The following ZNF519 variants were observed in gnomAD, a reference collection of about 807,000 sequenced individuals.
ZNF519 encodes zinc finger protein 519.
Under a neutral mutation model 7.4 loss-of-function variants are expected in ZNF519, and 7 were observed. The ratio of observed to expected loss-of-function variants is 0.94; its 90% CI spans 0.54 to 1.77. The LOEUF is 1.77. Ranked by LOEUF, ZNF519 falls within the 40% of genes most tolerant of loss-of-function variation. ZNF519 has a pLI of 0.00. For synonymous variants in ZNF519, 179 were observed against 203.3 expected, an observed-to-expected ratio of 0.88 and a Z score of 1.02; for missense variants, 586 against 623.1, an observed-to-expected ratio of 0.94 and a Z score of 0.63.
At chr18:14,093,519 A>C (rs755501611) in intron 2 of ZNF519, among the ~76,000 whole-genome samples, 1 of 152,248 alleles carries the variant, frequency 6.6e-6, no homozygotes, top group Admixed American at 6.5e-5. Context: ...ACACATATTT[A>C]GAAATATGTA....
intron 2 of ZNF519, among the ~76,000 whole-genome samples, chr18:14,108,811 C>G (rs1432571558): frequency 6.6e-6 from 1 of 152,074 alleles, no homozygotes; most frequent in Admixed American, 6.6e-5. Context: ...ATAATGAGGG[C>G]TGGGCACAGT....
At chr18:14,086,491 CA>C (rs2046090976) in intron 2 of ZNF519, among the ~76,000 whole-genome samples, 1 of 152,190 alleles carries the variant, frequency 6.6e-6, no homozygotes, top group Non-Finnish European at 1.5e-5. Context: ...TGCCCCACTA[CA>C]AGCAGCACAG....
chr18:14,110,012 T>C (rs2046212548), intron 2 of ZNF519, among the ~76,000 whole-genome samples: 1 of 152,090 alleles, frequency 6.6e-6, no homozygotes, highest in African/African-American at 2.4e-5. Context: ...TGAAGCATAA[T>C]AGAGAATCCA....
chr18:14,105,176 G>A lies in ZNF519; in HGVS notation c.1364C>T (p.Thr455Ile). 1.3e-6 allele frequency: 2 copies of A among 1,571,730 alleles called. No individual in the cohort carries two copies. The highest frequency in any genetic ancestry group is 1.7e-6 in the Non-Finnish European group (2 of 1,145,472). The change falls in exon 3 of 3, where the codon ACT becomes ATT. Residue 455 changes from threonine to isoleucine, a missense_variant. Physicochemically the swap from Thr to Ile is moderately conservative, Grantham distance 89. Coordinates refer to ENST00000590202, the MANE Select transcript of ZNF519 (RefSeq NM_145287.4). The part of the protein sequence containing the change: ...SHLTRHQRIH[T>I]GEKSFKCEEC... ...TTCACATTTGAAAGACTTCTCTCCA[G>A]TATGGATTCTTTGATGTCGAGTAAG...
intron 3 of ZNF519, chr18:14,084,101 G>A (rs2046080518): frequency 1.3e-5 from 2 of 152,208 alleles, no homozygotes; most frequent in South Asian, 4.1e-4. Context: ...ACCAGCAAAT[G>A]TGTGCGGCAG....
intron 3 of ZNF519, among the ~76,000 whole-genome samples, chr18:14,080,557 T>A (rs751318286): frequency 2.6e-5 from 4 of 152,100 alleles, no homozygotes; most frequent in Non-Finnish European, 5.9e-5. Context: ...CTTGACCTCA[T>A]GATGCGCCCG....
chr18:14,124,237 A>T, intron 2 of ZNF519, 113 bp downstream of exon 2: 1 of 1,035,412 alleles, frequency 9.7e-7, no homozygotes, highest in Non-Finnish European at 1.3e-6. Context: ...TTTCTTGAAG[A>T]AAAGAACTGA....
downstream of ZNF519, among the ~76,000 whole-genome samples, chr18:14,095,630 C>T (rs942138944): frequency 6.6e-6 from 1 of 152,222 alleles, no homozygotes; most frequent in Non-Finnish European, 1.5e-5. Context: ...CTCCACATGG[C>T]ACTGCAGCAG....
chr18:14,081,009 G>C (rs2046069003), intron 3 of ZNF519, among the ~76,000 whole-genome samples: 2 of 152,114 alleles, frequency 1.3e-5, no homozygotes, highest in Non-Finnish European at 2.9e-5. Flanking sequence ...TGGAGTTTGT[G>C]GGGAATAAGG....
At chr18:14,118,815 G>A (rs554056463) in intron 2 of ZNF519, among the ~76,000 whole-genome samples, 7 of 152,260 alleles carry the variant, frequency 4.6e-5, no homozygotes, top group African/African-American at 1.4e-4. Context: ...GTAGATCTTG[G>A]CCTCAGCTGT....
At chr18:14,117,445 G>A (rs1245904446) in intron 2 of ZNF519, among the ~76,000 whole-genome samples, 1 of 152,140 alleles carries the variant, frequency 6.6e-6, no homozygotes, top group Admixed American at 6.5e-5. Flanking sequence ...AGAGCATAGA[G>A]GAATTGAAAC....
At position 14,115,520 on chromosome 18, in the gene ZNF519, T is replaced by C. The variant is rs555044229; in HGVS notation, c.130+8830A>G. On this transcript the variant is annotated intron_variant, in intron 2 of 2. Coordinates refer to ENST00000590202, the MANE Select transcript of ZNF519 (RefSeq NM_145287.4). ...TATTATAAAGTTATATTAATCAAAA[T>C]AGTTTATAACCGGATTAAAAAGAGA... 2.6e-5 allele frequency among the ~76,000 whole-genome samples: 4 copies of C among 152,266 alleles called. No individual in the cohort carries two copies. The South Asian group carries it at 8.3e-4, about 31-fold the overall frequency.
At chr18:14,119,081 G>A (rs138664037) in intron 2 of ZNF519, among the ~76,000 whole-genome samples, 2 of 152,178 alleles carry the variant, frequency 1.3e-5, no homozygotes, top group South Asian at 2.1e-4. Flanking sequence ...TGTCCTAAAG[G>A]AAATCTAATC....
chr18:14,073,695 T>C (rs1209715357), downstream of ZNF519: 1 of 152,342 alleles, frequency 6.6e-6, no homozygotes, highest in East Asian at 1.9e-4. Context: ...CACTCTGTTT[T>C]TGAAATTCAT....
chr18:14,115,014 G>C (rs1396564469), intron 2 of ZNF519, among the ~76,000 whole-genome samples: 1 of 151,960 alleles, frequency 6.6e-6, no homozygotes, highest in Non-Finnish European at 1.5e-5. Flanking sequence ...AAGACCACTG[G>C]TCTTCATTTC....
chr18:14,120,219 T>A (rs2046264035), intron 2 of ZNF519, among the ~76,000 whole-genome samples: 1 of 151,830 alleles, frequency 6.6e-6, no homozygotes, highest in Non-Finnish European at 1.5e-5. Flanking sequence ...CAATGGAACA[T>A]AATAGAGAGC....
chr18:14,113,715 C>CTA (rs1412521717), intron 2 of ZNF519, among the ~76,000 whole-genome samples: 1 of 144,218 alleles, frequency 6.9e-6, no homozygotes, highest in Non-Finnish European at 1.5e-5. Context: ...TTGAGGAACT[C>CTA]TAAACTGTTC....
chr18:14,117,202 G>A (rs1470400623), intron 2 of ZNF519, among the ~76,000 whole-genome samples: 3 of 152,142 alleles, frequency 2.0e-5, no homozygotes, highest in African/African-American at 7.2e-5. Context: ...TTTGACAGAA[G>A]TTAACACCCA....
At chr18:14,075,566 A>C (rs948630708), downstream of ZNF519, 3 of 152,240 alleles carry the variant, frequency 2.0e-5, no homozygotes, top group Non-Finnish European at 2.9e-5. Context: ...GCTCCTTTAT[A>C]AAGTATCACA....
Sources: gnomAD v4.1 joint callset for allele counts (sites outside exome capture counted in the v4.1 genomes callset) on GRCh38, gnomAD v4.1.1 for gene constraint, MANE v1.5 for transcripts, NCBI Gene and HGNC (gene_info 2026-07-23, HGNC 2026-07-21) for gene names.